The following CFAP57 variants were observed in gnomAD, a reference collection of about 807,000 sequenced individuals.
The protein encoded by CFAP57 is cilia and flagella associated protein 57, also known as cilia- and flagella-associated protein 57.
CFAP57 carries 116 observed loss-of-function variants against 146.8 expected under a neutral mutation model. The observed-to-expected ratio is 0.79, with a 90% CI of 0.68 to 0.92. The LOEUF is 0.92. Ranked by LOEUF, CFAP57 falls within the 40% of genes least tolerant of loss-of-function variation. The pLI, the probability that CFAP57 is intolerant of heterozygous loss-of-function variation, is 0.00. For synonymous variants in CFAP57, 518 were observed against 552.8 expected (o/e 0.94, Z 0.88); for missense variants, 1,377 against 1,527.2 (o/e 0.90, Z 1.64).
At chr1:43,226,164 C>A (rs1390992655) in intron 17 of CFAP57, among the ~76,000 whole-genome samples, 1 of 152,164 alleles carries the variant, frequency 6.6e-6, no homozygotes, top group Non-Finnish European at 1.5e-5. Context: ...CAAAGTGAGA[C>A]CCATCTCAAA....
intron 10 of CFAP57, 67 bp downstream of exon 10, chr1:43,206,999 C>T (rs1384263898): frequency 1.3e-6 from 2 of 1,532,194 alleles, no homozygotes; most frequent in South Asian, 1.1e-5. Flanking sequence ...CCCGTGCTTA[C>T]AGCACAAAGT....
chr1:43,214,182 G>GC (rs1178517341), intron 11 of CFAP57, among the ~76,000 whole-genome samples: 1 of 151,052 alleles, frequency 6.6e-6, no homozygotes, highest in Non-Finnish European at 1.5e-5. Flanking sequence ...CACCACGCCC[G>GC]CCCCTTAGCC....
At chr1:43,236,895 C>T (rs934760091) in intron 21 of CFAP57, among the ~76,000 whole-genome samples, 10 of 126,184 alleles carry the variant, frequency 7.9e-5, no homozygotes, top group Non-Finnish European at 1.5e-4. Context: ...GGCGACAGAG[C>T]GAGACTCCAT....
chr1:43,209,526 T>C (rs563539493), intron 10 of CFAP57, among the ~76,000 whole-genome samples: 2 of 152,316 alleles, frequency 1.3e-5, no homozygotes, highest in East Asian at 1.9e-4. Context: ...TCCTAACTCA[T>C]GAACCTGGTT....
At chr1:43,233,993 A>G (rs1204419339) in intron 19 of CFAP57, among the ~76,000 whole-genome samples, 2 of 152,086 alleles carry the variant, frequency 1.3e-5, no homozygotes, top group African/African-American at 4.8e-5. Flanking sequence ...AGGGAATCAG[A>G]GTCAATAAAG....
chr1:43,200,600 T>G (rs1459984925), intron 9 of CFAP57, among the ~76,000 whole-genome samples: 1 of 151,318 alleles, frequency 6.6e-6, no homozygotes, highest in Non-Finnish European at 1.5e-5. Context: ...GGGAGAGGCA[T>G]AGAAAGGGTA....
intron 2 of CFAP57, among the ~76,000 whole-genome samples, chr1:43,179,077 T>C (rs1295105898): frequency 2.0e-5 from 3 of 151,968 alleles, no homozygotes; most frequent in Admixed American, 6.6e-5. Context: ...TAGGTGAGAA[T>C]TGAACAATGA....
At position 43,206,752 on chromosome 1, in the gene CFAP57, C is replaced by T; in HGVS notation, c.1575C>T (p.Ser525=). The T allele has an allele frequency of 6.2e-7, 1 of 1,614,062 alleles. No homozygotes were observed. The highest frequency in any genetic ancestry group is 8.5e-7 in the Non-Finnish European group (1 of 1,180,022). Residue 525 remains serine, a synonymous_variant, in exon 10 of 23, where the codon AGC becomes AGT. Coordinates refer to ENST00000372492, the MANE Select transcript of CFAP57 (RefSeq NM_001378189.1). The part of the protein sequence containing the change: ...IRSIVWNADD[S]KLISGGTDGA... ...CAATTGTGTGGAATGCAGATGATAGCAAACTGATTTCTGGTGGCACAGATG... is the reference window on the plus strand; with the variant it reads ...CAATTGTGTGGAATGCAGATGATAGTAAACTGATTTCTGGTGGCACAGATG...
In CFAP57 at chr1:43,232,682, A is replaced by G. The variant is rs559755766; in HGVS notation, c.3126+58A>G. ...ATTCGGGATCTGGCACCTATCTGCA[A>G]TGGGCAGCTGGCTTCCAAGAGGCAG... On this transcript the variant is annotated intron_variant, in intron 19 of 22. Coordinates refer to ENST00000372492, the MANE Select transcript of CFAP57 (RefSeq NM_001378189.1). 1.4e-5 allele frequency: 19 copies of G among 1,313,778 alleles called. No homozygotes were observed. The South Asian group carries it at 2.5e-4, about 18-fold the overall frequency. The allele number at this position is 1,313,778 out of a possible 1,614,324, so 81.4% of individuals were successfully genotyped here.
intron 9 of CFAP57, among the ~76,000 whole-genome samples, chr1:43,199,837 G>A (rs973694105): frequency 1.3e-5 from 2 of 152,190 alleles, no homozygotes; most frequent in East Asian, 3.9e-4. Flanking sequence ...GGATCCAAAG[G>A]CCAGAGATGG....
Position 43,206,170 on chromosome 1 carries a change from A to C in CFAP57, c.1543-550A>C, listed in dbSNP as rs571811932. On this transcript the variant is annotated intron_variant, in intron 9 of 22. Coordinates refer to ENST00000372492, the MANE Select transcript of CFAP57 (RefSeq NM_001378189.1). ...AAGACAGGGTTTCACTATGTTACCC[A>C]GGCTATTCTCAAACTGCTGGGCTCA... 1.2e-4 allele frequency among the ~76,000 whole-genome samples: 18 copies of C among 152,220 alleles called. No homozygotes were observed. In the East Asian group the frequency reaches 3.5e-3, roughly 29 times the overall value.
intron 17 of CFAP57, 41 bp from the exon 18 acceptor site, chr1:43,226,942 G>A (rs746298986): frequency 3.0e-4 from 443 of 1,465,730 alleles, no homozygotes; most frequent in Admixed American, 6.2e-4. Flanking sequence ...GTATACCAGG[G>A]CCTTACAATA....
At chr1:43,212,392 G>C (rs1331325944) in intron 11 of CFAP57, among the ~76,000 whole-genome samples, 1 of 152,026 alleles carries the variant, frequency 6.6e-6, no homozygotes, top group Admixed American at 6.5e-5. Context: ...ACTGTATGTG[G>C]CCTTCTGAAA....
intron 21 of CFAP57, among the ~76,000 whole-genome samples, chr1:43,235,850 C>T (rs1021841167): frequency 1.3e-5 from 2 of 152,224 alleles, no homozygotes; most frequent in African/African-American, 2.4e-5. Context: ...CTGACATCAC[C>T]TAGCACCCTC....
Position 43,228,673 on chromosome 1 carries a change from G to A in CFAP57, c.3009+1547G>A, listed in dbSNP as rs369006113. Among the ~76,000 whole-genome samples, 22 of 149,328 alleles carry A rather than the reference G, an allele frequency of 1.5e-4. 2 individuals carry two copies. Among genetic ancestry groups the A allele is most frequent in the African/African-American group, 4.5e-4 (18 of 40,174 alleles). ...CCCAGCTGACCACAGACCTGCCTCC[G>A]CTGGGCCTCCTACCATTCTTGAGTG... On this transcript the variant is annotated intron_variant, in intron 18 of 22. Transcript: ENST00000372492.
intron 5 of CFAP57, 55 bp downstream of exon 5, chr1:43,185,411 C>G: frequency 6.5e-7 from 1 of 1,537,712 alleles, no homozygotes; most frequent in Non-Finnish European, 9.0e-7. Flanking sequence ...GCATTTGTTC[C>G]CCAGCAGCAG....
In CFAP57 at chr1:43,254,268, G is replaced by A. The variant is rs1381814644; in HGVS notation, c.*77G>A. On this transcript the variant is annotated 3_prime_UTR_variant, in exon 23 of 23. Transcript: ENST00000372492. ...TGTCCCCAAGCCAGACTTGCGGTTG[G>A]AGTCTGTATGGTCCCTGCAGCACTG... 1 of 1,308,052 alleles carries A rather than the reference G, an allele frequency of 7.6e-7. No homozygotes were observed. The highest frequency in any genetic ancestry group is 2.5e-5 in the East Asian group (1 of 39,692). 81.0% of individuals were successfully genotyped at this position (1,308,052 alleles called of 1,614,324 possible). A position where few individuals can be genotyped will look rare whatever the true frequency, so the allele number is the denominator to read the frequency against.
In CFAP57 at chr1:43,197,623, G is replaced by T; in HGVS notation, c.1193G>T (p.Cys398Phe). 1.2e-6 allele frequency: 2 copies of T among 1,614,102 alleles called. No homozygotes were observed. Among genetic ancestry groups the T allele is most frequent in the Non-Finnish European group, 8.5e-7 (1 of 1,180,032 alleles). Residue 398 changes from cysteine (C) to phenylalanine (F), a missense_variant, in exon 7 of 23, where the codon TGC (cysteine) becomes TTC (phenylalanine). Coordinates refer to ENST00000372492, the MANE Select transcript of CFAP57 (RefSeq NM_001378189.1). ...HSAPITGLATCIRKPLIATCS... is the reference protein window; with the variant it reads ...HSAPITGLATFIRKPLIATCS... ...GCACCCATCACCGGTCTAGCTACCT[G>T]CATCCGCAAACCCCTTATAGCCACC...
intron 17 of CFAP57, among the ~76,000 whole-genome samples, chr1:43,224,879 A>G (rs960371174): frequency 1.3e-5 from 2 of 152,190 alleles, no homozygotes; most frequent in African/African-American, 4.8e-5. Context: ...GGTCTGGCAC[A>G]GGTTCCATTT....
Sources: allele counts gnomAD v4.1 joint callset (sites outside exome capture counted in the v4.1 genomes callset), GRCh38; gene constraint gnomAD v4.1.1; transcripts MANE v1.5; gene names NCBI Gene and HGNC (gene_info 2026-07-23, HGNC 2026-07-21).